The following CIMIP6 variants were observed in gnomAD, a reference collection of about 807,000 sequenced individuals.
CIMIP6 encodes the protein ciliary microtubule inner protein 6.
chr2:54,375,677 G>C, the CIMIP6 span, among the ~76,000 whole-genome samples: 13 of 152,192 alleles, frequency 8.5e-5, no homozygotes, highest in Non-Finnish European at 1.3e-4. Context: ...GCTATATTAA[G>C]TGTAAACAAT....
the CIMIP6 span, among the ~76,000 whole-genome samples, chr2:54,331,362 C>T: frequency 6.6e-6 from 1 of 152,104 alleles, no homozygotes; most frequent in Non-Finnish European, 1.5e-5. Flanking sequence ...CTTCTCTTGC[C>T]GGGATGCTGC....
chr2:54,343,470 T>C, the CIMIP6 span, among the ~76,000 whole-genome samples: 1 of 152,192 alleles, frequency 6.6e-6, no homozygotes, highest in African/African-American at 2.4e-5. Context: ...ACTTCATTTG[T>C]TGATAGAAGG....
At chr2:54,335,612 T>C in the CIMIP6 span, among the ~76,000 whole-genome samples, 1 of 152,232 alleles carries the variant, frequency 6.6e-6, no homozygotes, top group Non-Finnish European at 1.5e-5. Flanking sequence ...TATCCCATGC[T>C]AAAAATATTC....
the CIMIP6 span, among the ~76,000 whole-genome samples, chr2:54,368,833 A>G: frequency 2.0e-5 from 3 of 152,228 alleles, no homozygotes; most frequent in South Asian, 6.2e-4. Context: ...ACTGTCCACA[A>G]TTCTGCTGGG....
At chr2:54,366,866 A>T in the CIMIP6 span, among the ~76,000 whole-genome samples, 7 of 152,164 alleles carry the variant, frequency 4.6e-5, no homozygotes, top group Non-Finnish European at 7.4e-5. Context: ...TAATACTTAT[A>T]TAACTGTACA....
the CIMIP6 span, among the ~76,000 whole-genome samples, chr2:54,362,728 G>T: frequency 6.6e-6 from 1 of 152,198 alleles, no homozygotes; most frequent in South Asian, 2.1e-4. Context: ...TGTATTTTTA[G>T]TATAGGCAGG....
At chr2:54,354,968 C>T in the CIMIP6 span, among the ~76,000 whole-genome samples, 1 of 152,052 alleles carries the variant, frequency 6.6e-6, no homozygotes, top group Non-Finnish European at 1.5e-5. Flanking sequence ...ATATATCAGA[C>T]ATCCTCTTTG....
the CIMIP6 span, among the ~76,000 whole-genome samples, chr2:54,374,385 G>A: frequency 6.0e-4 from 92 of 152,328 alleles, no homozygotes; most frequent in Admixed American, 4.7e-3. Flanking sequence ...ATCTGATTGA[G>A]AGATGAGATT....
At chr2:54,380,389 G>A in the CIMIP6 span, among the ~76,000 whole-genome samples, 4 of 152,058 alleles carry the variant, frequency 2.6e-5, no homozygotes, top group Admixed American at 1.3e-4. Context: ...TCCCCATGCC[G>A]CATCCCCCAA....
At chr2:54,334,246 T>A in the CIMIP6 span, among the ~76,000 whole-genome samples, 1 of 152,180 alleles carries the variant, frequency 6.6e-6, no homozygotes, top group Non-Finnish European at 1.5e-5. Context: ...ATTTTCGTAT[T>A]TGTAACAGAG....
the CIMIP6 span, among the ~76,000 whole-genome samples, chr2:54,333,961 T>G: frequency 6.6e-6 from 1 of 152,172 alleles, no homozygotes; most frequent in Non-Finnish European, 1.5e-5. Context: ...AAGGCAGGTG[T>G]TATACTTTAA....
the CIMIP6 span, chr2:54,334,925 A>G: frequency 6.3e-7 from 1 of 1,592,170 alleles, no homozygotes; most frequent in Non-Finnish European, 8.6e-7. Flanking sequence ...CACATGTTGG[A>G]AGAGGACGTA....
the CIMIP6 span, among the ~76,000 whole-genome samples, chr2:54,346,980 C>T: frequency 6.6e-6 from 1 of 152,192 alleles, no homozygotes; most frequent in East Asian, 1.9e-4. Flanking sequence ...GATTTAGAGA[C>T]AGAGAATATA....
chr2:54,361,627 T>A, the CIMIP6 span: 1 of 152,318 alleles, frequency 6.6e-6, no homozygotes, highest in East Asian at 1.9e-4. Context: ...TTCTAGTTCT[T>A]GCCACATATA....
the CIMIP6 span, among the ~76,000 whole-genome samples, chr2:54,333,497 G>A: frequency 1.3e-5 from 2 of 152,178 alleles, no homozygotes; most frequent in Admixed American, 6.5e-5. Context: ...TGAAGTCGAA[G>A]AGGTTCACTG....
the CIMIP6 span, chr2:54,331,066 G>T: frequency 7.2e-6 from 11 of 1,528,886 alleles, no homozygotes; most frequent in Non-Finnish European, 9.1e-6. Context: ...TCAGGGGGAG[G>T]CCGGGATCCA....
At chr2:54,334,996 T>A in the CIMIP6 span, 1 of 1,603,386 alleles carries the variant, frequency 6.2e-7, no homozygotes, top group South Asian at 1.1e-5. Flanking sequence ...TTTCCCTACA[T>A]AGATCCCAAA....
chr2:54,337,499 G>C, the CIMIP6 span, among the ~76,000 whole-genome samples: 1 of 152,160 alleles, frequency 6.6e-6, no homozygotes, highest in Non-Finnish European at 1.5e-5. Context: ...TCTTACAAAG[G>C]CTCATGAATG....
the CIMIP6 span, among the ~76,000 whole-genome samples, chr2:54,356,347 G>A: frequency 1.3e-5 from 2 of 152,182 alleles, no homozygotes; most frequent in Non-Finnish European, 1.5e-5. Flanking sequence ...CTAGGCAGTT[G>A]CTGCCAGTTT....
Sources: gnomAD v4.1 joint callset for allele counts (sites outside exome capture counted in the v4.1 genomes callset) on GRCh38, gnomAD v4.1.1 for gene constraint, MANE v1.5 for transcripts, NCBI Gene and HGNC (gene_info 2026-07-23, HGNC 2026-07-21) for gene names.